EPHB1: variants seen among roughly 807,000 people sequenced by gnomAD.
The protein encoded by EPHB1 is ephrin type-B receptor 1.
A neutral mutation model predicts 94.4 loss-of-function variants in EPHB1; 30 were observed. The observed-to-expected ratio is 0.32, with a 90% CI of 0.24 to 0.43. EPHB1 has a LOEUF of 0.43. Among genes scored for constraint, EPHB1 ranks in the 20% least tolerant of loss-of-function variants. The pLI is 1.00. For synonymous variants in EPHB1, 522 were observed against 489.1 expected, an observed-to-expected ratio of 1.07 and a Z score of -0.89; for missense variants, 1,055 against 1,308.3, an observed-to-expected ratio of 0.81 and a Z score of 2.99.
At chr3:135,125,914 A>T (rs773538627) in intron 4 of EPHB1, among the ~76,000 whole-genome samples, 1 of 152,084 alleles carries the variant, frequency 6.6e-6, no homozygotes, top group Non-Finnish European at 1.5e-5. Flanking sequence ...CTTCCCCATA[A>T]CATCTCAAAG....
At chr3:134,932,588 T>A (rs995496847) in intron 2 of EPHB1, among the ~76,000 whole-genome samples, 1 of 152,214 alleles carries the variant, frequency 6.6e-6, no homozygotes, top group African/African-American at 2.4e-5. Context: ...TATTTAGACT[T>A]CTTCAGTCTC....
At chr3:135,001,159 C>T (rs898012753) in intron 3 of EPHB1, among the ~76,000 whole-genome samples, 1 of 152,158 alleles carries the variant, frequency 6.6e-6, no homozygotes, top group Non-Finnish European at 1.5e-5. Context: ...ACTCCATGGC[C>T]TCTGTCTCCA....
At chr3:134,835,957 C>T (rs1187481960) in intron 1 of EPHB1, among the ~76,000 whole-genome samples, 1 of 152,238 alleles carries the variant, frequency 6.6e-6, no homozygotes. Flanking sequence ...GACTGGCACA[C>T]TACCAAGAGT....
intron 1 of EPHB1, among the ~76,000 whole-genome samples, chr3:134,918,236 G>A (rs1439085003): frequency 6.6e-6 from 1 of 152,198 alleles, no homozygotes; most frequent in Non-Finnish European, 1.5e-5. Context: ...TTTCAGGTGT[G>A]TAGAGGGGAG....
chr3:134,919,104 C>T (rs11719058), intron 1 of EPHB1, among the ~76,000 whole-genome samples: 34,292 of 151,974 alleles, frequency 0.23, 4,026 homozygotes, highest in Non-Finnish European at 0.26. Context: ...AAAAGGAATA[C>T]GCATCTGAAA....
At chr3:135,195,565 A>T (rs1030487328) in intron 11 of EPHB1, among the ~76,000 whole-genome samples, 2 of 149,174 alleles carry the variant, frequency 1.3e-5, no homozygotes, top group South Asian at 4.3e-4. Context: ...ATTCCCACCT[A>T]TGAGTGAGAA....
chr3:135,123,977 G>C (rs1940090567), intron 4 of EPHB1, among the ~76,000 whole-genome samples: 1 of 151,542 alleles, frequency 6.6e-6, no homozygotes, highest in Non-Finnish European at 1.5e-5. Context: ...TCTCTGCTCA[G>C]AGCCCTCCTT....
chr3:135,032,891 G>C (rs9838545), intron 3 of EPHB1, among the ~76,000 whole-genome samples: 48,794 of 152,088 alleles, frequency 0.32, 9,185 homozygotes, highest in Non-Finnish European at 0.41. Context: ...CTCAAAGTCA[G>C]TGTCTACTCC....
intron 3 of EPHB1, among the ~76,000 whole-genome samples, chr3:135,053,898 G>A (rs1433341706): frequency 2.6e-5 from 4 of 152,120 alleles, no homozygotes; most frequent in African/African-American, 4.8e-5. Context: ...AGGCTAAGGC[G>A]GGAGGATAGT....
intron 3 of EPHB1, among the ~76,000 whole-genome samples, chr3:135,088,106 T>C (rs1170861789): frequency 6.6e-6 from 1 of 152,206 alleles, no homozygotes; most frequent in African/African-American, 2.4e-5. Flanking sequence ...GTAGAAAAGA[T>C]ATTCATCTTG....
At chr3:134,877,028 G>A (rs2037630730) in intron 1 of EPHB1, among the ~76,000 whole-genome samples, 1 of 152,144 alleles carries the variant, frequency 6.6e-6, no homozygotes, top group Admixed American at 6.6e-5. Context: ...ATGGGGCCTT[G>A]GTACCTGTAA....
intron 12 of EPHB1, among the ~76,000 whole-genome samples, chr3:135,238,794 C>CTCACT (rs1943712392): frequency 6.6e-6 from 1 of 152,158 alleles, no homozygotes; most frequent in Admixed American, 6.5e-5. Context: ...TCTCTCCTAC[C>CTCACT]TCACTTAACC....
At chr3:134,971,020 G>A (rs1262045165) in intron 3 of EPHB1, among the ~76,000 whole-genome samples, 1 of 152,188 alleles carries the variant, frequency 6.6e-6, no homozygotes, top group Non-Finnish European at 1.5e-5. Flanking sequence ...ATTCTAATCA[G>A]CCCTCAATCC....
At chr3:135,096,939 A>T (rs557067276) in intron 3 of EPHB1, among the ~76,000 whole-genome samples, 101 of 152,028 alleles carry the variant, frequency 6.6e-4, no homozygotes, top group Non-Finnish European at 1.0e-3. Flanking sequence ...CTACTTAAAA[A>T]ACAAAAGTTA....
chr3:135,052,909 A>ATATATATATATATATG (rs1217744067), intron 3 of EPHB1, among the ~76,000 whole-genome samples: 1 of 68,894 alleles, frequency 1.5e-5, no homozygotes, highest in Non-Finnish European at 2.6e-5. Context: ...ATATATATAT[A>ATATATATATATATATG]TGTGTGTGTG....
In EPHB1 at chr3:135,078,675, T is replaced by G. The variant is rs141102444; in HGVS notation, c.806-27773T>G. 2.2e-4 allele frequency among the ~76,000 whole-genome samples: 34 copies of G among 152,350 alleles called. 1 individual carries two copies. In the East Asian group the frequency reaches 5.6e-3, roughly 25 times the overall value. On this transcript the variant is annotated intron_variant, in intron 3 of 15. Coordinates refer to ENST00000398015, the MANE Select transcript of EPHB1 (RefSeq NM_004441.5). The stretch of plus-strand genomic sequence containing the variant: ...AAGAGGGAGTATGGGAGCTGGCACA[T>G]GCTGTGCCCAGAGAAACCTAGTCAT...
chr3:135,252,134 C>A (rs1330441330), intron 15 of EPHB1, among the ~76,000 whole-genome samples: 3 of 151,658 alleles, frequency 2.0e-5, no homozygotes, highest in Middle Eastern at 3.4e-3. Context: ...ATAGCATGCA[C>A]ACAAAAAAAT....
At chr3:134,961,124 C>G (rs549290471) in intron 3 of EPHB1, among the ~76,000 whole-genome samples, 14 of 152,204 alleles carry the variant, frequency 9.2e-5, no homozygotes, top group Non-Finnish European at 1.8e-4. Flanking sequence ...TGGGCACCAA[C>G]TGGTACTGGG....
intron 3 of EPHB1, among the ~76,000 whole-genome samples, chr3:135,065,046 T>C (rs1447242002): frequency 6.6e-6 from 1 of 152,144 alleles, no homozygotes; most frequent in Non-Finnish European, 1.5e-5. Context: ...TTTGTTTTAT[T>C]CCACTGTGGT....
Sources: allele counts gnomAD v4.1 joint callset (sites outside exome capture counted in the v4.1 genomes callset), GRCh38; gene constraint gnomAD v4.1.1; transcripts MANE v1.5; gene names NCBI Gene and HGNC (gene_info 2026-07-23, HGNC 2026-07-21).